The following UBE4A variants were observed in gnomAD, a reference collection of about 807,000 sequenced individuals.
The protein encoded by UBE4A is ubiquitination factor E4A.
A neutral mutation model predicts 117.9 loss-of-function variants in UBE4A; 48 were observed. That is an observed-to-expected ratio of 0.41 (90% CI 0.32 to 0.52). UBE4A has a LOEUF of 0.52. UBE4A is among the 20% of genes least tolerant of loss of function. The pLI, the probability that UBE4A is intolerant of heterozygous loss-of-function variation, is 0.33. For missense variants in UBE4A, 1,067 were observed against 1,296.3 expected (o/e 0.82, Z 2.72); for synonymous variants, 407 against 450.0 (o/e 0.90, Z 1.21).
intron 19 of UBE4A, 126 bp downstream of exon 19, chr11:118,393,021 G>T (rs1948834050): frequency 2.4e-5 from 23 of 978,210 alleles, no homozygotes; most frequent in African/African-American, 3.3e-5. Context: ...TTACTGATAT[G>T]TTGGAAGACA....
At chr11:118,371,041 A>G (rs575720326) in intron 4 of UBE4A, among the ~76,000 whole-genome samples, 1 of 152,252 alleles carries the variant, frequency 6.6e-6, no homozygotes, top group Non-Finnish European at 1.5e-5. Context: ...AGACAAACAT[A>G]TAAACCACAG....
chr11:118,379,771 G>C (rs1555125994), intron 11 of UBE4A, 21 bp downstream of exon 11: 1 of 1,600,120 alleles, frequency 6.2e-7, no homozygotes. Context: ...TCTCCCTTGG[G>C]AATGTCCTGT....
rs1411600291 is a variant in UBE4A, at chr11:118,390,890, T to C, written c.2916+86T>C. On this transcript the variant is annotated intron_variant, in intron 18 of 19. Transcript: ENST00000252108. ...GATGGCTCAAGCCTGTAGTCCCAGCTACTTAAGAGCCTAAGGCTAGAGGAT... is the reference window on the plus strand; with the variant it reads ...GATGGCTCAAGCCTGTAGTCCCAGCCACTTAAGAGCCTAAGGCTAGAGGAT... 3 of 1,531,610 alleles carry C rather than the reference T, an allele frequency of 2.0e-6. No homozygotes were observed. In the African/African-American group the frequency reaches 4.2e-5, roughly 21 times the overall value. 94.9% of individuals were successfully genotyped at this position (1,531,610 alleles called of 1,614,324 possible). A position where few individuals can be genotyped will look rare whatever the true frequency, so the allele number is the denominator to read the frequency against.
chr11:118,373,200 G>T lies in UBE4A; in HGVS notation c.836G>T (p.Arg279Leu). 1 of 1,613,804 alleles carries T rather than the reference G, an allele frequency of 6.2e-7. No individual in the cohort carries two copies. The highest frequency in any genetic ancestry group is 8.5e-7 in the Non-Finnish European group (1 of 1,179,972). Reference sequence around the variant, plus strand: ...CCAGTGTTTGATATTTTATTGGGCCGAATAAAAGATCTAGAGCTCTGTCAG... The same window carrying T: ...CCAGTGTTTGATATTTTATTGGGCCTAATAAAAGATCTAGAGCTCTGTCAG... ...MIPVFDILLG[R>L]IKDLELCQIL... is the part of the protein sequence containing the mutation. The change falls in exon 7 of 20, where the codon CGA (arginine) becomes CTA (leucine). Residue 279 changes from arginine to leucine, a missense_variant. By Grantham distance (102) the Arg-to-Leu change is moderately radical. Around this residue, in one of 3 missense-constraint regions of UBE4A, gnomAD observed 1,001 missense variants for 1,184.0 expected, o/e 0.85. Transcript: ENST00000252108.
Position 118,375,100 on chromosome 11 carries a change from G to C in UBE4A, c.1321G>C (p.Ala441Pro), listed in dbSNP as rs1555125157. The change falls in exon 9 of 20, where the codon GCT becomes CCT. Residue 441 changes from alanine (A) to proline (P), a missense_variant. Physicochemically the swap from Ala to Pro is conservative, Grantham distance 27. Transcript: ENST00000252108. ...SDAFFLNLGA[A>P]LLKLCQPFCK... Reference sequence around the variant, plus strand: ...TGCTTTCTTTCTGAATCTGGGTGCTGCTCTCCTGAAGCTATGCCAGCCATT... The same window carrying C: ...TGCTTTCTTTCTGAATCTGGGTGCTCCTCTCCTGAAGCTATGCCAGCCATT... 1 of 1,614,086 alleles carries C rather than the reference G, an allele frequency of 6.2e-7. No individual in the cohort carries two copies. Among genetic ancestry groups the C allele is most frequent in the Non-Finnish European group, 8.5e-7 (1 of 1,180,040 alleles).
Position 118,369,427 on chromosome 11 carries a change from T to A in UBE4A, c.300T>A (p.Asp100Glu), listed in dbSNP as rs1388687454. The A allele has an allele frequency of 6.2e-7, 1 of 1,613,582 alleles. No individual in the cohort carries two copies. The highest frequency in any genetic ancestry group is 1.7e-5 in the Admixed American group (1 of 60,016). The part of the protein sequence containing the change: ...RIFLITLDNS[D>E]PSLKSGNGIP... Reference sequence around the variant, plus strand: ...CATATTAAAACCATTTCCCAGGTGATCCCAGCTTGAAAAGCGGGAATGGCA... The same window carrying A: ...CATATTAAAACCATTTCCCAGGTGAACCCAGCTTGAAAAGCGGGAATGGCA... Residue 100 changes from aspartate (D) to glutamate (E), a missense_variant, in exon 4 of 20, where the codon GAT becomes GAA. Asp to Glu is a conservative substitution (Grantham distance 45). Around this residue, in one of 3 missense-constraint regions of UBE4A, gnomAD observed 1,001 missense variants for 1,184.0 expected, o/e 0.85. Transcript: ENST00000252108.
At chr11:118,372,485 C>G (rs1170674100) in intron 5 of UBE4A, 22 bp from the exon 6 acceptor site, 3 of 1,595,236 alleles carry the variant, frequency 1.9e-6, no homozygotes, top group African/African-American at 2.7e-5. Context: ...ACTATTCCCT[C>G]TTTTCTTCAT....
intron 4 of UBE4A, among the ~76,000 whole-genome samples, chr11:118,370,940 G>T (rs59440472): frequency 0.013 from 1,940 of 152,232 alleles, 48 homozygotes; most frequent in African/African-American, 0.044. Context: ...AGCAATTCAG[G>T]AGGGATCCGC....
chr11:118,392,679 G>A, intron 18 of UBE4A, 59 bp from the exon 19 acceptor site: 1 of 1,535,632 alleles, frequency 6.5e-7, no homozygotes, highest in South Asian at 1.2e-5. Context: ...CTGTCATTGA[G>A]CACGCTGAAT....
At chr11:118,362,189 C>G (rs1948525632) in intron 1 of UBE4A, among the ~76,000 whole-genome samples, 1 of 152,204 alleles carries the variant, frequency 6.6e-6, no homozygotes, top group Admixed American at 6.5e-5. Context: ...TGGCAACGAT[C>G]TTGTCTCACT....
chr11:118,387,795 G>A (rs985354472), intron 16 of UBE4A, among the ~76,000 whole-genome samples: 7 of 152,166 alleles, frequency 4.6e-5, no homozygotes, highest in Non-Finnish European at 8.8e-5. Flanking sequence ...ACATTTCTGA[G>A]GGAAAGTAAA....
rs1274546983 is a variant in UBE4A at position 118,365,077 on chromosome 11, T to C, written c.-4T>C. ...GGTCTGGATGGAGGATACCTTAAAG[T>C]GAAATGACAGACCAGGAGAATAACA... On this transcript the variant is annotated 5_prime_UTR_variant, in exon 2 of 20. An upstream open reading frame in the 5' UTR loses its in-frame stop. Transcript: ENST00000252108. 6.2e-7 allele frequency: 1 copy of C among 1,613,698 alleles called. No homozygotes were observed. Among genetic ancestry groups the C allele is most frequent in the African/African-American group, 1.3e-5 (1 of 75,026 alleles).
intron 9 of UBE4A, 106 bp from the exon 10 acceptor site, chr11:118,376,468 T>C (rs1038842987): frequency 4.2e-6 from 6 of 1,424,796 alleles, no homozygotes; most frequent in African/African-American, 2.8e-5. Flanking sequence ...TGACAAGATA[T>C]GTTTTTAAGA....
Position 118,375,039 on chromosome 11 carries a change from G to A in UBE4A, c.1260G>A (p.Gln420=), listed in dbSNP as rs1555125142. 1.9e-6 allele frequency: 3 copies of A among 1,614,186 alleles called. No individual in the cohort carries two copies. The highest frequency in any genetic ancestry group is 2.5e-6 in the Non-Finnish European group (3 of 1,180,010). The change falls in exon 9 of 20, where the codon CAG becomes CAA. Residue 420 remains glutamine (Q), a synonymous_variant. Transcript: ENST00000252108. ...NAGRTKIWAN[Q]MPEIFFQMYA... is the part of the protein sequence containing the mutation. ...GCCGCACCAAGATTTGGGCCAATCA[G>A]ATGCCAGAAATCTTTTTCCAAATGT...
intron 8 of UBE4A, 89 bp downstream of exon 8, chr11:118,373,774 C>G (rs1487391766): frequency 2.1e-6 from 3 of 1,411,982 alleles, no homozygotes; most frequent in African/African-American, 2.9e-5. Flanking sequence ...TCAAGCCTCT[C>G]TGGGAAAGCA....
chr11:118,376,864 G>A (rs1948657045), intron 10 of UBE4A, among the ~76,000 whole-genome samples, 170 bp downstream of exon 10: 1 of 151,906 alleles, frequency 6.6e-6, no homozygotes, highest in Admixed American at 6.6e-5. Flanking sequence ...ACCAACCTGG[G>A]CAAGAAAGTG....
chr11:118,392,893 CAGGT>C lies in UBE4A; in HGVS notation c.3074+2_3074+5del, dbSNP rs1948832651. ...GATCCACCATTGCAAGACATTTGCT[CAGGT>C]AGGCCAGTCCCAAAAACAGACTCAA... On this transcript the variant is annotated splice_donor_variant and coding_sequence_variant, in exon 19 of 20. Transcript: ENST00000252108. LOFTEE classifies it high-confidence loss of function. 1 of 1,612,326 alleles carries C rather than the reference CAGGT, an allele frequency of 6.2e-7. No homozygotes were observed. Among genetic ancestry groups the C allele is most frequent in the African/African-American group, 1.3e-5 (1 of 74,798 alleles).
chr11:118,363,438 G>A (rs1948536022), intron 1 of UBE4A, among the ~76,000 whole-genome samples: 1 of 152,078 alleles, frequency 6.6e-6, no homozygotes, highest in African/African-American at 2.4e-5. Context: ...TGCACTGAGA[G>A]GAGACTAGAC....
chr11:118,388,146 TTAA>T (rs782492245), intron 16 of UBE4A, among the ~76,000 whole-genome samples: 20 of 152,172 alleles, frequency 1.3e-4, no homozygotes, highest in Admixed American at 2.6e-4. Flanking sequence ...TTACATAATC[TTAA>T]TAACAAACTA....
Sources: allele counts gnomAD v4.1 joint callset (sites outside exome capture counted in the v4.1 genomes callset), GRCh38; gene constraint gnomAD v4.1.1; regional missense constraint gnomAD v4.1.1; transcripts MANE v1.5; gene names NCBI Gene and HGNC (gene_info 2026-07-23, HGNC 2026-07-21).